FHIP2A: variants seen among roughly 807,000 people sequenced by gnomAD.
FHIP2A encodes the protein family with sequence similarity 160 member B1.
FHIP2A carries 46 observed loss-of-function variants against 93.5 expected under a neutral mutation model. The ratio of observed to expected loss-of-function variants is 0.49; its 90% CI spans 0.39 to 0.63. The LOEUF (loss-of-function observed/expected upper bound fraction) is 0.63, where lower values mean the gene tolerates loss of function less well. Among genes scored for constraint, FHIP2A ranks in the 20% least tolerant of loss-of-function variants. The pLI is 0.00. For missense variants in FHIP2A, 769 were observed against 909.7 expected, an observed-to-expected ratio of 0.85 and a Z score of 1.99; for synonymous variants, 332 against 326.5, an observed-to-expected ratio of 1.02 and a Z score of -0.18.
intron 16 of FHIP2A, among the ~76,000 whole-genome samples, chr10:114,877,437 A>G (rs935518073): frequency 6.6e-6 from 1 of 152,070 alleles, no homozygotes; most frequent in African/African-American, 2.4e-5. Context: ...TTTGCATTCA[A>G]TCAATTATAC....
At chr10:114,864,733 T>C, downstream of FHIP2A, 1 of 972,994 alleles carries the variant, frequency 1.0e-6, no homozygotes, top group Non-Finnish European at 1.2e-6. Flanking sequence ...TATGTTTTTG[T>C]AAAATTCTAA....
chr10:114,870,891 A>T (rs1015361699), intron 16 of FHIP2A, among the ~76,000 whole-genome samples: 2 of 151,912 alleles, frequency 1.3e-5, no homozygotes, highest in African/African-American at 4.8e-5. Context: ...TTTCTATTAC[A>T]TTTGGTTAAT....
intron 16 of FHIP2A, among the ~76,000 whole-genome samples, chr10:114,878,770 C>T (rs1395045093): frequency 1.6e-4 from 19 of 115,856 alleles, no homozygotes; most frequent in South Asian, 3.2e-4. Context: ...ACAGAGACTT[C>T]GCCTCAAAAA....
At chr10:114,843,299 T>A in intron 6 of FHIP2A, 73 bp downstream of exon 6, 1 of 1,020,838 alleles carries the variant, frequency 9.8e-7, no homozygotes, top group Non-Finnish European at 1.3e-6. Context: ...TTTTTAATTT[T>A]AATTTTTAAT....
chr10:114,835,776 T>G (rs558066312), intron 4 of FHIP2A, 135 bp downstream of exon 4: 29 of 579,202 alleles, frequency 5.0e-5, no homozygotes, highest in Non-Finnish European at 7.9e-5. Flanking sequence ...ATACTTGAGC[T>G]TTCTTTATGC....
At chr10:114,851,628 A>G (rs1383026985) in intron 13 of FHIP2A, among the ~76,000 whole-genome samples, 2 of 146,566 alleles carry the variant, frequency 1.4e-5, no homozygotes, top group Non-Finnish European at 3.0e-5. Context: ...TGAATCCTTC[A>G]ACTTGCTTCT....
At chr10:114,896,415 A>T (rs2084001812) in intron 16 of FHIP2A, among the ~76,000 whole-genome samples, 1 of 152,166 alleles carries the variant, frequency 6.6e-6, no homozygotes, top group Non-Finnish European at 1.5e-5. Context: ...AGAAATCAGG[A>T]CTGTGGTCAT....
In FHIP2A at chr10:114,833,257, C is replaced by G; in HGVS notation, c.149C>G (p.Thr50Arg). 1 of 1,611,316 alleles carries G rather than the reference C, an allele frequency of 6.2e-7. No homozygotes were observed. The highest frequency in any genetic ancestry group is 8.5e-7 in the Non-Finnish European group (1 of 1,178,834). The change falls in exon 3 of 17, where the codon ACA (threonine) becomes AGA (arginine). Residue 50 changes from threonine (T) to arginine (R), a missense_variant. Physicochemically the swap from Thr to Arg is moderately conservative, Grantham distance 71. Coordinates refer to ENST00000369248, the MANE Select transcript of FHIP2A (RefSeq NM_020940.4). The stretch of plus-strand genomic sequence containing the variant: ...GATGATAAAGCCCCAGTGACCGATA[C>G]AAATATTCCATCGCATCTGGAACAG... ...TSDDKAPVTDTNIPSHLEQML... is the reference protein window; with the variant it reads ...TSDDKAPVTDRNIPSHLEQML...
rs1164966005 is a variant in FHIP2A, at chr10:114,862,883, A to G, written c.*1343A>G. The G allele has an allele frequency of 2.0e-6, 2 of 984,918 alleles. No homozygotes were observed. The highest frequency in any genetic ancestry group is 2.4e-6 in the Non-Finnish European group (2 of 829,862). 61.0% of individuals were successfully genotyped at this position (984,918 alleles called of 1,614,324 possible). ...TTCCGGCTTGAAGGGAACTGTCACT[A>G]CCCCCTCTAGGAAGTTATTTTATGT... On this transcript the variant is annotated 3_prime_UTR_variant, in exon 17 of 17. Transcript: ENST00000369248.
At chr10:114,876,105 G>A (rs1418035025) in intron 16 of FHIP2A, among the ~76,000 whole-genome samples, 2 of 152,138 alleles carry the variant, frequency 1.3e-5, no homozygotes, top group African/African-American at 4.8e-5. Context: ...CCACCCTCCC[G>A]CTCACCAGCG....
intron 16 of FHIP2A, among the ~76,000 whole-genome samples, chr10:114,876,145 G>A (rs1230039210): frequency 6.6e-6 from 1 of 152,132 alleles, no homozygotes; most frequent in African/African-American, 2.4e-5. Context: ...ACTCCCCCCT[G>A]TCTGGTGGCT....
intron 1 of FHIP2A, among the ~76,000 whole-genome samples, chr10:114,829,693 C>T (rs967724579): frequency 6.6e-6 from 1 of 152,192 alleles, no homozygotes; most frequent in Non-Finnish European, 1.5e-5. Flanking sequence ...AGGTCTTAGC[C>T]TCATTTTACC....
Position 114,848,634 on chromosome 10 carries a change from GTTTTCAT to G in FHIP2A, c.1713-10_1713-4del, listed in dbSNP as rs1566373141. The G allele has an allele frequency of 6.5e-7, 1 of 1,550,358 alleles. No homozygotes were observed. The highest frequency in any genetic ancestry group is 1.7e-5 in the Admixed American group (1 of 57,688). On this transcript the variant is annotated splice_polypyrimidine_tract_variant and splice_region_variant and intron_variant, in intron 12 of 16. Coordinates refer to ENST00000369248, the MANE Select transcript of FHIP2A (RefSeq NM_020940.4). ...ATGGACATCTTGCATAATTGTGGCC[GTTTTCAT>G]TTAAGTTTTCTCTGTCTGGTACCGG...
rs200118273 is a variant in FHIP2A at position 114,864,104 on chromosome 10, G to GTGTATATA, written c.*2582_*2589dup. 7.1e-6 allele frequency: 7 copies of GTGTATATA among 982,958 alleles called. No homozygotes were observed. Among genetic ancestry groups the GTGTATATA allele is most frequent in the South Asian group, 4.7e-5 (1 of 21,370 alleles). The allele number at this position is 982,958 out of a possible 1,614,324, so 60.9% of individuals were successfully genotyped here. A position where few individuals can be genotyped will look rare whatever the true frequency, so the allele number is the denominator to read the frequency against. On this transcript the variant is annotated 3_prime_UTR_variant, in exon 17 of 17. Coordinates refer to ENST00000369248, the MANE Select transcript of FHIP2A (RefSeq NM_020940.4). ...TTGGTTTAATTGTACATTATTGTGT[G>GTGTATATA]TGTATATATGTATATATGTATATAT...
intron 7 of FHIP2A, among the ~76,000 whole-genome samples, chr10:114,844,951 ATTT>A (rs5788084): frequency 8.5e-5 from 12 of 141,112 alleles, no homozygotes; most frequent in Admixed American, 2.8e-4. Context: ...TGCCCAGCTA[ATTT>A]TTTTTTTTTT....
chr10:114,864,048 A>G lies in FHIP2A; in HGVS notation c.*2508A>G, dbSNP rs1404871375. The G allele has an allele frequency of 6.2e-5, 62 of 992,080 alleles. No homozygotes were observed. The highest frequency in any genetic ancestry group is 7.2e-5 in the Non-Finnish European group (60 of 834,244). 61.5% of individuals were successfully genotyped at this position (992,080 alleles called of 1,614,324 possible). On this transcript the variant is annotated 3_prime_UTR_variant, in exon 17 of 17. Coordinates refer to ENST00000369248, the MANE Select transcript of FHIP2A (RefSeq NM_020940.4). ...TTCTCGTAATGTATCTGTTTGTGCA[A>G]TATGGAAGCTGTGAGTGGATTCATA...
At position 114,845,428 on chromosome 10, in the gene FHIP2A, T is replaced by G; in HGVS notation, c.1075T>G (p.Ser359Ala). ...SAFPGKRALISFLSWFDYCDQ... is the reference protein window; with the variant it reads ...SAFPGKRALIAFLSWFDYCDQ... ...ATTTCCAGGAAAACGAGCCTTAATT[T>G]CATTTCTTTCCTGGTTTGATTATTG... Residue 359 changes from serine to alanine, a missense_variant, in exon 8 of 17, where the codon TCA becomes GCA. By Grantham distance (99) the Ser-to-Ala change is moderately conservative. Coordinates refer to ENST00000369248, the MANE Select transcript of FHIP2A (RefSeq NM_020940.4). 1 of 1,613,676 alleles carries G rather than the reference T, an allele frequency of 6.2e-7. No individual in the cohort carries two copies. The highest frequency in any genetic ancestry group is 1.3e-5 in the African/African-American group (1 of 75,042).
At chr10:114,865,993 G>A (rs1025836655), downstream of FHIP2A, among the ~76,000 whole-genome samples, 3 of 151,916 alleles carry the variant, frequency 2.0e-5, no homozygotes, top group South Asian at 2.1e-4. Flanking sequence ...TTTATGTTCC[G>A]GGATACACAT....
intron 16 of FHIP2A, among the ~76,000 whole-genome samples, chr10:114,876,692 G>A (rs2083890969): frequency 6.6e-6 from 1 of 152,100 alleles, no homozygotes; most frequent in Non-Finnish European, 1.5e-5. Flanking sequence ...GGACTCTCAA[G>A]CATTATTTCC....
Sources: allele counts gnomAD v4.1 joint callset (sites outside exome capture counted in the v4.1 genomes callset), GRCh38; gene constraint gnomAD v4.1.1; transcripts MANE v1.5; gene names NCBI Gene and HGNC (gene_info 2026-07-23, HGNC 2026-07-21).